TMEM145: variants seen among roughly 807,000 people sequenced by gnomAD.
TMEM145 encodes transmembrane protein 145.
In TMEM145, 46 loss-of-function variants were observed where a neutral mutation model predicts 68.5. The observed-to-expected ratio is 0.67, with a 90% CI of 0.53 to 0.86. The LOEUF is 0.86. TMEM145 is among the 40% of genes least tolerant of loss of function. The pLI is 0.00. For missense variants in TMEM145, 570 were observed against 645.8 expected (o/e 0.88, Z 1.27); for synonymous variants, 255 against 280.2 (o/e 0.91, Z 0.90).
Position 42,316,735 on chromosome 19 carries a change from G to A in TMEM145, c.801G>A (p.Val267=). 1 of 1,605,042 alleles carries A rather than the reference G, an allele frequency of 6.2e-7. No individual in the cohort carries two copies. Among genetic ancestry groups the A allele is most frequent in the Non-Finnish European group, 8.5e-7 (1 of 1,176,098 alleles). ...TCCTCCTGGGGAAGGGATTCACGGTGACACGGTGCCCGGGCAGGGCGTGCT... is the reference window on the plus strand; with the variant it reads ...TCCTCCTGGGGAAGGGATTCACGGTAACACGGTGCCCGGGCAGGGCGTGCT... The part of the protein sequence containing the change: ...MLILLGKGFT[V]TRGRISHAGS... Residue 267 remains valine (V), a synonymous_variant, in exon 10 of 15, where the codon GTG becomes GTA. Coordinates refer to ENST00000301204, the MANE Select transcript of TMEM145 (RefSeq NM_173633.3).
chr19:42,316,556 T>A lies in TMEM145; in HGVS notation c.722T>A (p.Ile241Asn). Reference sequence around the variant, plus strand: ...GGCATTGGCAACGAGAGTGTGAAGATCTTGGGTGAGAATGAAGCTGGGTGG... The same window carrying A: ...GGCATTGGCAACGAGAGTGTGAAGAACTTGGGTGAGAATGAAGCTGGGTGG... The part of the protein sequence containing the change: ...TDGIGNESVK[I>N]LAKLLFSSSF... The change falls in exon 9 of 15, where the codon ATC (isoleucine) becomes AAC (asparagine). Residue 241 changes from isoleucine to asparagine, a missense_variant. Physicochemically the swap from Ile to Asn is moderately radical, Grantham distance 149. Transcript: ENST00000301204. 6.2e-7 allele frequency: 1 copy of A among 1,614,130 alleles called. No individual in the cohort carries two copies. Among genetic ancestry groups the A allele is most frequent in the Non-Finnish European group, 8.5e-7 (1 of 1,179,996 alleles).
In TMEM145 at chr19:42,317,784, G is replaced by C; in HGVS notation, c.976G>C (p.Ala326Pro). 6.2e-7 allele frequency: 1 copy of C among 1,614,194 alleles called. No homozygotes were observed. Among genetic ancestry groups the C allele is most frequent in the Non-Finnish European group, 8.5e-7 (1 of 1,180,038 alleles). The change falls in exon 12 of 15, where the codon GCC (alanine) becomes CCC (proline). Residue 326 changes from alanine to proline, a missense_variant. Coordinates refer to ENST00000301204, the MANE Select transcript of TMEM145 (RefSeq NM_173633.3). The part of the protein sequence containing the change: ...GYGLIGLQVA[A>P]YVWFCYAVLV... ...CGGGCTCATTGGACTGCAGGTGGCG[G>C]CCTACGTGTGGTTCTGCTATGCTGT...
intron 9 of TMEM145, 24 bp from the exon 10 acceptor site, chr19:42,316,638 C>A: frequency 3.1e-6 from 5 of 1,613,704 alleles, no homozygotes; most frequent in Non-Finnish European, 4.2e-6. Context: ...TGGCTCTGAG[C>A]CGCCCCCTCC....
At position 42,314,640 on chromosome 19, in the gene TMEM145, C is replaced by T. The variant is rs770058053; in HGVS notation, c.301C>T (p.Arg101Trp). The change falls in exon 4 of 15, where the codon CGG becomes TGG. Residue 101 changes from arginine to tryptophan, a missense_variant. Arg to Trp is a moderately radical substitution (Grantham distance 101). Coordinates refer to ENST00000301204, the MANE Select transcript of TMEM145 (RefSeq NM_173633.3). The stretch of plus-strand genomic sequence containing the variant: ...CTGCCTGGCCAAGGAGTCAGTGATC[C>T]GGCCGGAGAACAACCAGGTCATCAA... ...KDCLAKESVI[R>W]PENNQVINLT... 2.2e-5 allele frequency: 36 copies of T among 1,614,036 alleles called. No individual in the cohort carries two copies. Among genetic ancestry groups the T allele is most frequent in the South Asian group, 4.4e-5 (4 of 91,092 alleles).
At position 42,316,691 on chromosome 19, in the gene TMEM145, A is replaced by T; in HGVS notation, c.757A>T (p.Ile253Phe). ...AKLLFSSSFL[I>F]FLLMLILLGK... ...GCTGCTCTTCTCCTCCAGCTTCCTC[A>T]TCTTCCTGCTGATGCTTATCCTCCT... Residue 253 changes from isoleucine (I) to phenylalanine (F), a missense_variant, in exon 10 of 15, where the codon ATC becomes TTC. Ile to Phe is a conservative substitution (Grantham distance 21, BLOSUM62 0). Coordinates refer to ENST00000301204, the MANE Select transcript of TMEM145 (RefSeq NM_173633.3). The T allele has an allele frequency of 6.2e-7, 1 of 1,612,662 alleles. No individual in the cohort carries two copies. Among genetic ancestry groups the T allele is most frequent in the South Asian group, 1.1e-5 (1 of 91,060 alleles).
At position 42,324,782 on chromosome 19, in the gene TMEM145, G is replaced by A. The variant is rs756792829; in HGVS notation, c.1447G>A (p.Asp483Asn). The stretch of plus-strand genomic sequence containing the variant: ...GGATTCTGGGCTCCCGCTGTTCCGT[G>A]ACCTCCGGCCCCCTGGCCCCCTTCG... ...APDSGLPLFR[D>N]LRPPGPLRDL Residue 483 changes from aspartate to asparagine, a missense_variant, in exon 15 of 15, where the codon GAC (aspartate) becomes AAC (asparagine). Transcript: ENST00000301204. The A allele has an allele frequency of 1.3e-6, 2 of 1,569,228 alleles. No homozygotes were observed. The highest frequency in any genetic ancestry group is 2.3e-5 in the South Asian group (2 of 86,608).
Position 42,320,432 on chromosome 19 carries a change from T to G in TMEM145, c.1189T>G (p.Phe397Val). ...LGIHLYAHGV[F>V]LIMTRPSAAN... is the part of the protein sequence containing the mutation. ...GATCCACTTGTACGCCCATGGCGTG[T>G]TTCTGGTGAGGATGGGCATCTGTGG... is the stretch of plus-strand genomic sequence containing the variant. The change falls in exon 13 of 15, where the codon TTT (phenylalanine) becomes GTT (valine). Residue 397 changes from phenylalanine to valine, a missense_variant. Transcript: ENST00000301204. 6.2e-7 allele frequency: 1 copy of G among 1,613,900 alleles called. No individual in the cohort carries two copies.
At position 42,316,545 on chromosome 19, in the gene TMEM145, G is replaced by T. The variant is rs769831548; in HGVS notation, c.711G>T (p.Glu237Asp). ...GQYATDGIGN[E>D]SVKILAKLLF... ...ATGCCACCGATGGCATTGGCAACGA[G>T]AGTGTGAAGATCTTGGGTGAGAATG... Residue 237 changes from glutamate (E) to aspartate (D), a missense_variant, in exon 9 of 15, where the codon GAG (glutamate) becomes GAT (aspartate). Coordinates refer to ENST00000301204, the MANE Select transcript of TMEM145 (RefSeq NM_173633.3). The T allele has an allele frequency of 6.2e-7, 1 of 1,614,196 alleles. No individual in the cohort carries two copies. Among genetic ancestry groups the T allele is most frequent in the Non-Finnish European group, 8.5e-7 (1 of 1,180,016 alleles).
At position 42,320,455 on chromosome 19, in the gene TMEM145, T is replaced by G. The variant is rs1313612502; in HGVS notation, c.1194+18T>G. ...TGTTTCTGGTGAGGATGGGCATCTG[T>G]GGGGGGTGGAGGGGAGGACCCGAGG... On this transcript the variant is annotated intron_variant, in intron 13 of 14. Transcript: ENST00000301204. The G allele has an allele frequency of 1.2e-6, 2 of 1,613,182 alleles. No homozygotes were observed. Among genetic ancestry groups the G allele is most frequent in the Non-Finnish European group, 1.7e-6 (2 of 1,179,898 alleles).
intron 14 of TMEM145, among the ~76,000 whole-genome samples, chr19:42,323,994 C>G (rs2147427528): frequency 6.6e-6 from 1 of 152,034 alleles, no homozygotes; most frequent in African/African-American, 2.4e-5. Flanking sequence ...GGCGCTGTTG[C>G]GCACACCCCC....
At position 42,323,774 on chromosome 19, in the gene TMEM145, C is replaced by T. The variant is rs780273318; in HGVS notation, c.1386C>T (p.Pro462=). 3 of 1,613,976 alleles carry T rather than the reference C, an allele frequency of 1.9e-6. No homozygotes were observed. The highest frequency in any genetic ancestry group is 2.5e-6 in the Non-Finnish European group (3 of 1,179,928). Residue 462 remains proline, a synonymous_variant, in exon 14 of 15, where the codon CCC becomes CCT. Transcript: ENST00000301204. The part of the protein sequence containing the change: ...VPNFTELFSI[P]PPATSPLPRA... Reference sequence around the variant, plus strand: ...ACTTCACGGAGCTCTTCTCCATCCCCCCGCCCGCCACCTCCGTAAGCCCCG... The same window carrying T: ...ACTTCACGGAGCTCTTCTCCATCCCTCCGCCCGCCACCTCCGTAAGCCCCG...
chr19:42,315,530 G>T (rs911155464), intron 8 of TMEM145, 90 bp downstream of exon 8: 5 of 1,401,980 alleles, frequency 3.6e-6, no homozygotes, highest in African/African-American at 2.8e-5. Context: ...TGGGGGCCTG[G>T]ACTCCTGGGT....
chr19:42,314,187 G>A (rs886889346), intron 1 of TMEM145, 85 bp from the exon 2 acceptor site: 5 of 1,463,292 alleles, frequency 3.4e-6, no homozygotes, highest in Admixed American at 1.7e-5. Flanking sequence ...AGGTACCTGG[G>A]GGGTAGGGAA....
intron 8 of TMEM145, among the ~76,000 whole-genome samples, chr19:42,315,838 T>C (rs777643238): frequency 7.1e-4 from 108 of 152,232 alleles, no homozygotes; most frequent in Middle Eastern, 3.4e-3. Flanking sequence ...AAGACCAACC[T>C]GACCAACATG....
chr19:42,313,764 G>C lies in TMEM145; in HGVS notation c.120+268G>C, dbSNP rs891419051. ...AGCGGGTTGGGAGAGTCAGAGTTTG[G>C]GAAGGGTGGTGCAGAGGTGGTGCTG... On this transcript the variant is annotated intron_variant, in intron 1 of 14. Coordinates refer to ENST00000301204, the MANE Select transcript of TMEM145 (RefSeq NM_173633.3). This position sits in a 1 kb window ranked among gnomAD's most constrained non-coding sequence, Gnocchi z 5.1. Among the ~76,000 whole-genome samples the C allele has an allele frequency of 1.3e-5, 2 of 152,098 alleles. No homozygotes were observed. Among genetic ancestry groups the C allele is most frequent in the Non-Finnish European group, 2.9e-5 (2 of 67,992 alleles).
intron 13 of TMEM145, among the ~76,000 whole-genome samples, chr19:42,322,957 T>C (rs572241624): frequency 6.6e-6 from 1 of 152,298 alleles, no homozygotes; most frequent in African/African-American, 2.4e-5. Context: ...CGCCTCGGCC[T>C]CCCCAAGTGC....
rs1157729465 is a variant in TMEM145 at position 42,313,987 on chromosome 19, C to G, written c.121-285C>G. On this transcript the variant is annotated intron_variant, in intron 1 of 14. Coordinates refer to ENST00000301204, the MANE Select transcript of TMEM145 (RefSeq NM_173633.3). This position sits in a 1 kb window ranked among gnomAD's most constrained non-coding sequence, Gnocchi z 5.1. ...GACATGAGGTGGCCAGGATGAGCAT[C>G]TGGCCCCTAAGGTCTTTCTCCCCAG... 6.6e-6 allele frequency among the ~76,000 whole-genome samples: 1 copy of G among 151,882 alleles called. No individual in the cohort carries two copies. Among genetic ancestry groups the G allele is most frequent in the African/African-American group, 2.4e-5 (1 of 41,334 alleles).
chr19:42,319,022 T>C (rs552414066), intron 12 of TMEM145, among the ~76,000 whole-genome samples: 1 of 152,140 alleles, frequency 6.6e-6, no homozygotes, highest in Non-Finnish European at 1.5e-5. Context: ...AGACTGAGGT[T>C]GCAGTGAGTT....
chr19:42,317,814 G>A lies in TMEM145; in HGVS notation c.1006G>A (p.Val336Ile), dbSNP rs1381612253. The change falls in exon 12 of 15, where the codon GTC (valine) becomes ATC (isoleucine). Residue 336 changes from valine to isoleucine, a missense_variant. By Grantham distance (29) the Val-to-Ile change is conservative. Coordinates refer to ENST00000301204, the MANE Select transcript of TMEM145 (RefSeq NM_173633.3). ...AYVWFCYAVLVSLRHFPEKQP... is the reference protein window; with the variant it reads ...AYVWFCYAVLISLRHFPEKQP... Reference sequence around the variant, plus strand: ...CGTGTGGTTCTGCTATGCTGTGCTTGTCTCACTGCGACACTTTCCTGAGAA... The same window carrying A: ...CGTGTGGTTCTGCTATGCTGTGCTTATCTCACTGCGACACTTTCCTGAGAA... 4.3e-6 allele frequency: 7 copies of A among 1,614,204 alleles called. No individual in the cohort carries two copies. The highest frequency in any genetic ancestry group is 5.9e-6 in the Non-Finnish European group (7 of 1,180,042).
Sources: gnomAD v4.1 joint callset for allele counts (sites outside exome capture counted in the v4.1 genomes callset) on GRCh38, gnomAD v4.1.1 for gene constraint, Gnocchi (gnomAD v3.1) non-coding constraint, MANE v1.5 for transcripts, NCBI Gene and HGNC (gene_info 2026-07-23, HGNC 2026-07-21) for gene names.